Variants in SDK1 observed in about 807,000 individuals in gnomAD.
SDK1 encodes sidekick cell adhesion molecule 1, also known as protein sidekick-1.
In SDK1, 157 loss-of-function variants were observed where a neutral mutation model predicts 245.5. The observed-to-expected ratio is 0.64, with a 90% CI of 0.56 to 0.73. The LOEUF is 0.73. Among genes scored for constraint, SDK1 ranks in the 30% least tolerant of loss-of-function variants. The pLI is 0.00. For missense variants in SDK1, 3,583 were observed against 3,002.3 expected (o/e 1.19, Z -4.52); for synonymous variants, 1,647 against 1,278.5 (o/e 1.29, Z -6.15).
At chr7:4,023,868 T>C (rs1211959118) in intron 17 of SDK1, among the ~76,000 whole-genome samples, 3 of 152,250 alleles carry the variant, frequency 2.0e-5, no homozygotes, top group Non-Finnish European at 4.4e-5. Flanking sequence ...TGTGGAACAC[T>C]GGACACTGCC....
chr7:3,672,540 A>T (rs10249190), intron 4 of SDK1, among the ~76,000 whole-genome samples: 1 of 147,516 alleles, frequency 6.8e-6, no homozygotes, highest in Non-Finnish European at 1.5e-5. Context: ...CAATCTATTT[A>T]TAGATCCCAG....
At chr7:4,012,315 G>C in intron 16 of SDK1, 80 bp downstream of exon 16, 2 of 1,372,894 alleles carry the variant, frequency 1.5e-6, no homozygotes, top group Non-Finnish European at 1.9e-6. Context: ...AAACTCTAAT[G>C]TCTGTAAGAG....
At chr7:4,221,193 C>A (rs1358959530) in intron 39 of SDK1, 46 bp from the exon 40 acceptor site, 6 of 1,605,716 alleles carry the variant, frequency 3.7e-6, no homozygotes, top group Non-Finnish European at 8.5e-7. Context: ...GGATGTGAGC[C>A]CCGCAGGGCT....
At chr7:3,397,159 A>G (rs576818434) in intron 1 of SDK1, among the ~76,000 whole-genome samples, 35 of 152,028 alleles carry the variant, frequency 2.3e-4, no homozygotes, top group African/African-American at 7.5e-4. Context: ...TTATGTATTT[A>G]TATGTTATAA....
At position 4,241,748 on chromosome 7, in the gene SDK1, C is replaced by A. The variant is rs757828517; in HGVS notation, c.6131-45C>A. ...CTCTGGCTTGGCGTGGCTGCGGTGG[C>A]CACACCAGTAACACGTCTGTTCTCA... On this transcript the variant is annotated intron_variant, in intron 42 of 44. Coordinates refer to ENST00000404826, the MANE Select transcript of SDK1 (RefSeq NM_152744.4). The A allele has an allele frequency of 1.3e-5, 21 of 1,611,076 alleles. No individual in the cohort carries two copies. The Admixed American group carries it at 3.3e-4, about 26-fold the overall frequency.
chr7:3,880,038 G>C (rs1031274846), intron 5 of SDK1, among the ~76,000 whole-genome samples: 3 of 152,068 alleles, frequency 2.0e-5, no homozygotes, highest in Non-Finnish European at 4.4e-5. Flanking sequence ...TTCTGCTGCT[G>C]GTAATCAAGA....
intron 44 of SDK1, 69 bp from the exon 45 acceptor site, chr7:4,265,055 C>T: frequency 1.3e-6 from 2 of 1,559,836 alleles, no homozygotes; most frequent in Non-Finnish European, 1.7e-6. Flanking sequence ...ACCGCCAGGC[C>T]TCCTGCCCAG....
Position 3,971,537 on chromosome 7 carries a change from G to C in SDK1, c.1786G>C (p.Gly596Arg), listed in dbSNP as rs1701751139. 6.2e-7 allele frequency: 1 copy of C among 1,613,374 alleles called. No homozygotes were observed. Among genetic ancestry groups the C allele is most frequent in the Admixed American group, 1.7e-5 (1 of 59,930 alleles). The change falls in exon 12 of 45, where the codon GGT (glycine) becomes CGT (arginine). Residue 596 changes from glycine to arginine, a missense_variant. Gly to Arg is a moderately radical substitution (Grantham distance 125). Coordinates refer to ENST00000404826, the MANE Select transcript of SDK1 (RefSeq NM_152744.4). ...GGGGACCACGGCCACGCTGCACTGTGGTGCCACACATGACCCCCGGGTTTC... is the reference window on the plus strand; with the variant it reads ...GGGGACCACGGCCACGCTGCACTGTCGTGCCACACATGACCCCCGGGTTTC... The part of the protein sequence containing the change: ...IKGTTATLHC[G>R]ATHDPRVSLR...
intron 5 of SDK1, among the ~76,000 whole-genome samples, chr7:3,925,864 T>C (rs772669159): frequency 3.3e-5 from 5 of 152,212 alleles, no homozygotes; most frequent in Non-Finnish European, 4.4e-5. Flanking sequence ...CCTTTTCCCA[T>C]TGATGAAACG....
At chr7:4,089,996 C>T (rs1323584242) in intron 22 of SDK1, among the ~76,000 whole-genome samples, 1 of 152,192 alleles carries the variant, frequency 6.6e-6, no homozygotes, top group East Asian at 1.9e-4. Context: ...CCTGATTCCC[C>T]TCAATTTGGA....
chr7:3,521,220 G>A (rs1217519325), intron 1 of SDK1, among the ~76,000 whole-genome samples: 1 of 152,132 alleles, frequency 6.6e-6, no homozygotes, highest in Admixed American at 6.5e-5. Flanking sequence ...GCCATTCAAG[G>A]GAATCTTTTA....
intron 1 of SDK1, among the ~76,000 whole-genome samples, chr7:3,457,210 G>A (rs1193299977): frequency 1.3e-5 from 2 of 152,142 alleles, no homozygotes; most frequent in African/African-American, 4.8e-5. Flanking sequence ...GCCTTTGGTT[G>A]TTTGTAGGTC....
chr7:3,850,231 C>A (rs1368864054), intron 5 of SDK1, among the ~76,000 whole-genome samples: 2 of 152,226 alleles, frequency 1.3e-5, no homozygotes, highest in Non-Finnish European at 2.9e-5. Flanking sequence ...AAGCCTTCTT[C>A]TCTGCATCCA....
At chr7:3,367,174 T>G (rs1308081842) in intron 1 of SDK1, among the ~76,000 whole-genome samples, 2 of 151,954 alleles carry the variant, frequency 1.3e-5, no homozygotes, top group Non-Finnish European at 2.9e-5. Flanking sequence ...TTTATTTTTA[T>G]TTTTATTTTT....
intron 35 of SDK1, among the ~76,000 whole-genome samples, chr7:4,181,411 C>T (rs7779254): frequency 0.023 from 3,438 of 152,278 alleles, 138 homozygotes; most frequent in African/African-American, 0.077. Flanking sequence ...TGTGGGAGAG[C>T]GAAGAGCTTT....
At chr7:3,606,355 G>C in intron 1 of SDK1, among the ~76,000 whole-genome samples, 1 of 152,274 alleles carries the variant, frequency 6.6e-6, no homozygotes, top group Middle Eastern at 3.4e-3. Flanking sequence ...GTGGTCTCCC[G>C]GCTTCAGCAC....
chr7:3,302,723 A>T (rs1436203975), intron 1 of SDK1, among the ~76,000 whole-genome samples: 1 of 152,000 alleles, frequency 6.6e-6, no homozygotes, highest in African/African-American at 2.4e-5. Flanking sequence ...CCCAGAAATA[A>T]CTATTTTAAT....
At position 3,768,347 on chromosome 7, in the gene SDK1, A is replaced by T. The variant is rs145504764; in HGVS notation, c.714-53103A>T. On this transcript the variant is annotated intron_variant, in intron 4 of 44. Coordinates refer to ENST00000404826, the MANE Select transcript of SDK1 (RefSeq NM_152744.4). The stretch of plus-strand genomic sequence containing the variant: ...CCCAAAACTCAAGGACAGTATTGTC[A>T]TGGATAAATACAGCCGATTGAGCAT... Among the ~76,000 whole-genome samples the T allele has an allele frequency of 7.0e-3, 1,069 of 152,356 alleles. 8 individuals carry two copies. The highest frequency in any genetic ancestry group is 0.012 in the Non-Finnish European group (791 of 68,022).
chr7:3,578,145 T>C (rs770747057), intron 1 of SDK1, among the ~76,000 whole-genome samples: 44 of 152,190 alleles, frequency 2.9e-4, no homozygotes, highest in Non-Finnish European at 4.9e-4. Context: ...CTTTCTATTT[T>C]CCATTAGCAT....
Sources: allele counts gnomAD v4.1 joint callset (sites outside exome capture counted in the v4.1 genomes callset), GRCh38; gene constraint gnomAD v4.1.1; transcripts MANE v1.5; gene names NCBI Gene and HGNC (gene_info 2026-07-23, HGNC 2026-07-21).